CPNE4: variants seen among roughly 807,000 people sequenced by gnomAD.
CPNE4 encodes the protein copine-4.
Under a neutral mutation model 67.9 loss-of-function variants are expected in CPNE4, and 25 were observed. The ratio of observed to expected loss-of-function variants is 0.37; its 90% CI spans 0.27 to 0.51. The LOEUF is 0.51. CPNE4 is among the 20% of genes least tolerant of loss of function. The pLI is 0.93. For synonymous variants in CPNE4, 242 were observed against 244.9 expected (o/e 0.99, Z 0.11); for missense variants, 464 against 690.8 (o/e 0.67, Z 3.68).
In CPNE4 at chr3:131,743,821, G is replaced by A. The variant is rs2082410444; in HGVS notation, c.181-20196C>T. Among the ~76,000 whole-genome samples, 4 of 151,154 alleles carry A rather than the reference G, an allele frequency of 2.6e-5. 1 individual carries two copies. Among genetic ancestry groups the A allele is most frequent in the Admixed American group, 2.0e-4 (3 of 15,184 alleles). ...TACTAAAAATACAAAAAATTAGCCG[G>A]GCGTGGTAGCGGGCGCCTGTAGTCC... On this transcript the variant is annotated intron_variant, in intron 2 of 15. Transcript: ENST00000429747.
intron 6 of CPNE4, among the ~76,000 whole-genome samples, chr3:131,683,711 G>T (rs1185463671): frequency 1.3e-5 from 2 of 152,102 alleles, no homozygotes; most frequent in Admixed American, 6.5e-5. Context: ...TATGAGTCCA[G>T]CAGAGCACCA....
intron 2 of CPNE4, among the ~76,000 whole-genome samples, chr3:131,748,902 T>TCAGA (rs71136408): frequency 0.3 from 46,187 of 151,902 alleles, 8,703 homozygotes; most frequent in Non-Finnish European, 0.41. Flanking sequence ...ATTGATTTTT[T>TCAGA]CAAACAATTC....
At chr3:131,902,474 T>C (rs1248542774) in intron 2 of CPNE4, among the ~76,000 whole-genome samples, 6 of 152,128 alleles carry the variant, frequency 3.9e-5, no homozygotes, top group African/African-American at 1.2e-4. Context: ...AAGATGTTTA[T>C]TGCAGTATTA....
intron 2 of CPNE4, among the ~76,000 whole-genome samples, chr3:131,874,785 G>A (rs2107702495): frequency 2.0e-5 from 3 of 152,132 alleles, no homozygotes; most frequent in Admixed American, 2.0e-4. Context: ...TTCACATCTG[G>A]AGTTCCTTGT....
At chr3:131,764,187 G>A (rs747678091) in intron 2 of CPNE4, among the ~76,000 whole-genome samples, 5 of 151,614 alleles carry the variant, frequency 3.3e-5, no homozygotes, top group Non-Finnish European at 7.4e-5. Flanking sequence ...GAATATTTTT[G>A]TGGAAAAATG....
intron 10 of CPNE4, among the ~76,000 whole-genome samples, chr3:131,573,238 C>T (rs548092404): frequency 4.6e-4 from 70 of 152,192 alleles, no homozygotes; most frequent in African/African-American, 1.5e-3. Context: ...ACATTCTCCT[C>T]TTCTCATTCC....
chr3:131,883,488 T>C (rs1210683794), intron 2 of CPNE4, among the ~76,000 whole-genome samples: 2 of 152,194 alleles, frequency 1.3e-5, no homozygotes, highest in African/African-American at 4.8e-5. Context: ...TCCTGAGTCA[T>C]CTCCAACATG....
At chr3:131,772,858 T>G (rs1269198409) in intron 2 of CPNE4, among the ~76,000 whole-genome samples, 3 of 152,118 alleles carry the variant, frequency 2.0e-5, no homozygotes, top group Non-Finnish European at 4.4e-5. Context: ...TTTACTGAAG[T>G]GCCCCTGGGC....
At chr3:131,777,616 T>C (rs1246807313) in intron 2 of CPNE4, among the ~76,000 whole-genome samples, 5 of 152,194 alleles carry the variant, frequency 3.3e-5, no homozygotes, top group East Asian at 3.9e-4. Flanking sequence ...ACTGCTTTCT[T>C]TGGGCGGTTG....
intron 1 of CPNE4, among the ~76,000 whole-genome samples, chr3:131,979,578 A>G (rs1216397848): frequency 6.6e-6 from 1 of 152,076 alleles, no homozygotes; most frequent in African/African-American, 2.4e-5. Context: ...GAGGCCTTAT[A>G]TGTTAGGTGA....
intron 2 of CPNE4, among the ~76,000 whole-genome samples, chr3:131,829,795 T>C (rs1034246023): frequency 6.6e-6 from 1 of 152,216 alleles, no homozygotes; most frequent in Non-Finnish European, 1.5e-5. Context: ...GATACCTTCA[T>C]ACACATCACT....
At chr3:131,948,230 T>C (rs1416032689) in intron 1 of CPNE4, among the ~76,000 whole-genome samples, 1 of 152,112 alleles carries the variant, frequency 6.6e-6, no homozygotes, top group African/African-American at 2.4e-5. Context: ...CAGGACCACG[T>C]GGAGGTAATT....
intron 1 of CPNE4, among the ~76,000 whole-genome samples, chr3:131,930,136 G>A (rs1396277800): frequency 2.0e-5 from 3 of 152,130 alleles, no homozygotes; most frequent in Non-Finnish European, 2.9e-5. Context: ...AAGAGGTAGT[G>A]GAAAGTGCCT....
At chr3:131,966,809 G>C (rs2097570882) in intron 1 of CPNE4, among the ~76,000 whole-genome samples, 1 of 152,202 alleles carries the variant, frequency 6.6e-6, no homozygotes, top group Non-Finnish European at 1.5e-5. Flanking sequence ...GTTCAAAGCA[G>C]AGCTGGTACC....
intron 2 of CPNE4, among the ~76,000 whole-genome samples, chr3:131,785,717 G>A (rs1196629600): frequency 6.8e-6 from 1 of 148,024 alleles, no homozygotes; most frequent in Non-Finnish European, 1.5e-5. Context: ...CTTATTCCCT[G>A]GTGTTTTGTC....
chr3:131,719,051 C>A (rs1312292627), intron 3 of CPNE4, among the ~76,000 whole-genome samples: 1 of 152,134 alleles, frequency 6.6e-6, no homozygotes, highest in African/African-American at 2.4e-5. Context: ...AGGGTGGTTG[C>A]CAAAGAACAT....
upstream of CPNE4, chr3:132,039,563 CTTTCCAG>C (rs1308155628): frequency 6.6e-6 from 1 of 152,194 alleles, no homozygotes; most frequent in Admixed American, 6.5e-5. Flanking sequence ...AAGCGTGTGT[CTTTCCAG>C]TTTCCTTTAC....
At chr3:132,023,279 G>A (rs1371541917) in intron 1 of CPNE4, among the ~76,000 whole-genome samples, 1 of 152,132 alleles carries the variant, frequency 6.6e-6, no homozygotes, top group Non-Finnish European at 1.5e-5. Flanking sequence ...TTCCTTTGCA[G>A]TGCCGTGTAC....
In CPNE4 at chr3:131,993,472, C is replaced by CAAAAAAAAAAAAAAAAAAAAAAAA. The variant is rs58116331; in HGVS notation, c.-2+41094_-2+41095insTTTTTTTTTTTTTTTTTTTTTTTT. On this transcript the variant is annotated intron_variant, in intron 1 of 15. Coordinates refer to ENST00000429747, the MANE Select transcript of CPNE4 (RefSeq NM_130808.3). ...ACCCTGATTTCGTGTGCAGGAGTGG[C>CAAAAAAAAAAAAAAAAAAAAAAAA]AAAAAAAAAAAAAAAAAGCATAGCT... Among the ~76,000 whole-genome samples, 13 of 60,458 alleles carry CAAAAAAAAAAAAAAAAAAAAAAAA rather than the reference C, an allele frequency of 2.2e-4. 2 individuals are homozygous for CAAAAAAAAAAAAAAAAAAAAAAAA. The highest frequency in any genetic ancestry group is 7.1e-4 in the African/African-American group (13 of 18,306). The allele number at this position is 60,458 out of a possible 152,430, so 39.7% of individuals were successfully genotyped here.
Sources: allele counts gnomAD v4.1 joint callset (sites outside exome capture counted in the v4.1 genomes callset), GRCh38; gene constraint gnomAD v4.1.1; transcripts MANE v1.5; gene names NCBI Gene and HGNC (gene_info 2026-07-23, HGNC 2026-07-21).